Variants in LAMA4 observed in about 807,000 individuals in gnomAD.
LAMA4 encodes the protein laminin subunit alpha 4.
A neutral mutation model predicts 207.1 loss-of-function variants in LAMA4; 127 were observed. The observed-to-expected ratio is 0.61, with a 90% confidence interval of 0.53 to 0.71. The LOEUF (loss-of-function observed/expected upper bound fraction) is 0.71, where lower values mean the gene tolerates loss of function less well. Among genes scored for constraint, LAMA4 ranks in the 30% least tolerant of loss-of-function variants. The pLI is 0.00. For synonymous variants in LAMA4, 761 were observed against 816.0 expected, an observed-to-expected ratio of 0.93 and a Z score of 1.15; for missense variants, 2,093 against 2,246.5, an observed-to-expected ratio of 0.93 and a Z score of 1.38.
intron 9 of LAMA4, among the ~76,000 whole-genome samples, chr6:112,184,476 A>C (rs958704812): frequency 2.6e-5 from 4 of 152,172 alleles, no homozygotes; most frequent in African/African-American, 9.7e-5. Flanking sequence ...GACTCTGCTC[A>C]TGTTTTAATG....
Position 112,129,010 on chromosome 6 carries a change from T to G in LAMA4, c.4199A>C (p.Tyr1400Ser), listed in dbSNP as rs782041997. The G allele has an allele frequency of 2.5e-6, 4 of 1,612,872 alleles. No homozygotes were observed. Among genetic ancestry groups the G allele is most frequent in the Non-Finnish European group, 3.4e-6 (4 of 1,178,958 alleles). Residue 1400 changes from tyrosine (Y) to serine (S), a missense_variant, in exon 31 of 39, where the codon TAT becomes TCT. By Grantham distance (144) the Tyr-to-Ser change is moderately radical. Coordinates refer to ENST00000230538, the MANE Select transcript of LAMA4 (RefSeq NM_001105206.3). Reference sequence around the variant, plus strand: ...TGGTGAAGACTCAATGGGACACTCATAAAGAGAAGTGTGGACCTTTTCAGT... The same window carrying G: ...TGGTGAAGACTCAATGGGACACTCAGAAAGAGAAGTGTGGACCTTTTCAGT... ...RYTEKVHTSL[Y>S]ECPIESSPLF...
At chr6:112,137,354 A>G (rs1235512634) in intron 24 of LAMA4, among the ~76,000 whole-genome samples, 1 of 152,214 alleles carries the variant, frequency 6.6e-6, no homozygotes, top group Middle Eastern at 3.2e-3. Flanking sequence ...ACTTCTATTT[A>G]TACTAATTTA....
chr6:112,233,187 G>A (rs941365602), intron 2 of LAMA4, among the ~76,000 whole-genome samples: 11 of 152,188 alleles, frequency 7.2e-5, no homozygotes, highest in African/African-American at 2.7e-4. Flanking sequence ...TTGTTCTTCA[G>A]AATTACACAA....
At chr6:112,248,796 ACT>A (rs1489103482) in intron 2 of LAMA4, among the ~76,000 whole-genome samples, 2 of 151,826 alleles carry the variant, frequency 1.3e-5, no homozygotes, top group African/African-American at 4.8e-5. Flanking sequence ...GGATAAGGAG[ACT>A]CTATAGTTGA....
chr6:112,239,572 C>T (rs943193060), intron 2 of LAMA4, among the ~76,000 whole-genome samples: 9 of 152,164 alleles, frequency 5.9e-5, no homozygotes, highest in African/African-American at 2.2e-4. Flanking sequence ...TCACAAGTGA[C>T]TGCTGCTACA....
At chr6:112,167,937 G>A (rs1781479600) in intron 12 of LAMA4, among the ~76,000 whole-genome samples, 1 of 151,252 alleles carries the variant, frequency 6.6e-6, no homozygotes, top group African/African-American at 2.4e-5. Context: ...ACCAGGCGCG[G>A]TGGCTCACGC....
intron 4 of LAMA4, 24 bp from the exon 5 acceptor site, chr6:112,201,712 A>T (rs1554352533): frequency 6.3e-7 from 1 of 1,588,430 alleles, no homozygotes. Context: ...CAAATATTGG[A>T]AGTCAATTCC....
At chr6:112,250,713 T>C (rs1554189619) in intron 2 of LAMA4, among the ~76,000 whole-genome samples, 1 of 152,228 alleles carries the variant, frequency 6.6e-6, no homozygotes, top group African/African-American at 2.4e-5. Flanking sequence ...GTGTGGCTTC[T>C]TTCCAGCCAC....
intron 2 of LAMA4, chr6:112,236,305 TAGG>T (rs1318854924): frequency 6.6e-6 from 1 of 152,246 alleles, no homozygotes; most frequent in East Asian, 1.9e-4. Flanking sequence ...GTTTCCACGC[TAGG>T]AGACTTTGGG....
intron 38 of LAMA4, among the ~76,000 whole-genome samples, chr6:112,110,986 G>A (rs1451054296): frequency 6.6e-6 from 1 of 152,184 alleles, no homozygotes; most frequent in Non-Finnish European, 1.5e-5. Context: ...ATTTTCAGTA[G>A]AGGAATGAAT....
At position 112,109,412 on chromosome 6, in the gene LAMA4, A is replaced by G; in HGVS notation, c.*25T>C. On this transcript the variant is annotated 3_prime_UTR_variant, in exon 39 of 39. Transcript: ENST00000230538. Reference sequence around the variant, plus strand: ...CTTTCAGTGCTCTAAAGAACTTTGTATTTGGGCAGCTGTGCTCTGTCATGT... The same window carrying G: ...CTTTCAGTGCTCTAAAGAACTTTGTGTTTGGGCAGCTGTGCTCTGTCATGT... 1 of 1,613,252 alleles carries G rather than the reference A, an allele frequency of 6.2e-7. No individual in the cohort carries two copies.
intron 2 of LAMA4, among the ~76,000 whole-genome samples, chr6:112,249,580 C>T (rs1554189321): frequency 1.3e-5 from 2 of 151,808 alleles, no homozygotes; most frequent in South Asian, 2.1e-4. Flanking sequence ...TCCTTCCTAG[C>T]TGTGCTGCTT....
intron 2 of LAMA4, chr6:112,234,637 A>T (rs1461058457): frequency 6.6e-6 from 1 of 152,178 alleles, no homozygotes; most frequent in Non-Finnish European, 1.5e-5. Context: ...ATAATCTCAG[A>T]TGAAGATCTA....
At chr6:112,114,296 G>T (rs1343474721) in intron 37 of LAMA4, 101 bp from the exon 38 acceptor site, 2 of 1,193,732 alleles carry the variant, frequency 1.7e-6, no homozygotes, top group Non-Finnish European at 2.5e-6. Flanking sequence ...ATTTATTCCA[G>T]AATAAAACCC....
chr6:112,158,241 T>G (rs1020369979), intron 14 of LAMA4: 5 of 178,022 alleles, frequency 2.8e-5, no homozygotes, highest in Non-Finnish European at 5.9e-5. Context: ...CACTGTGGAG[T>G]ATTTATCAGA....
chr6:112,131,203 G>T, intron 28 of LAMA4, 102 bp from the exon 29 acceptor site: 1 of 1,065,000 alleles, frequency 9.4e-7, no homozygotes, highest in Non-Finnish European at 1.4e-6. Context: ...GCAATATAGT[G>T]TGTAGGAAAT....
chr6:112,196,566 T>C (rs7758871), intron 5 of LAMA4: 1 of 152,186 alleles, frequency 6.6e-6, no homozygotes, highest in Non-Finnish European at 1.5e-5. Context: ...AAAATGTTCT[T>C]AGTTGTTCCT....
chr6:112,162,695 G>C (rs1213970549), intron 13 of LAMA4, among the ~76,000 whole-genome samples: 1 of 152,106 alleles, frequency 6.6e-6, no homozygotes, highest in East Asian at 1.9e-4. Flanking sequence ...TCATAGATGA[G>C]ACTGTGACTT....
chr6:112,179,990 A>C (rs782116061), intron 9 of LAMA4: 1 of 517,902 alleles, frequency 1.9e-6, no homozygotes, highest in South Asian at 1.5e-5. Context: ...TTAAAATTAA[A>C]TATGCAGAAA....
Sources: allele counts gnomAD v4.1 joint callset (sites outside exome capture counted in the v4.1 genomes callset), GRCh38; gene constraint gnomAD v4.1.1; transcripts MANE v1.5; gene names NCBI Gene and HGNC (gene_info 2026-07-23, HGNC 2026-07-21).